LMO4: variants seen among roughly 807,000 people sequenced by gnomAD.
LMO4 encodes the protein LIM domain transcription factor LMO4.
LMO4 carries 3 observed loss-of-function variants against 18.5 expected under a neutral mutation model. The ratio of observed to expected loss-of-function variants is 0.16; its 90% confidence interval spans 0.07 to 0.42. The LOEUF (loss-of-function observed/expected upper bound fraction) is 0.42, where lower values mean the gene tolerates loss of function less well. Among genes scored for constraint, LMO4 ranks in the 10% least tolerant of loss-of-function variants. The pLI, the probability that LMO4 is intolerant of heterozygous loss-of-function variation, is 0.99. For missense variants in LMO4, 121 were observed against 219.9 expected (o/e 0.55, Z 2.84); for synonymous variants, 100 against 88.1 (o/e 1.14, Z -0.76).
chr1:87,337,582 C>T (rs1466528132), intron 2 of LMO4, among the ~76,000 whole-genome samples: 1 of 152,168 alleles, frequency 6.6e-6, no homozygotes, highest in Non-Finnish European at 1.5e-5. Flanking sequence ...CCTTCTACCC[C>T]CATTACCTGT....
intron 1 of LMO4, among the ~76,000 whole-genome samples, chr1:87,330,243 G>T (rs1190653810): frequency 6.6e-6 from 1 of 152,018 alleles, no homozygotes; most frequent in African/African-American, 2.4e-5. Flanking sequence ...AAAGATGGGG[G>T]CGGGGAAGAG....
chr1:87,335,134 C>G (rs958889790), intron 2 of LMO4, among the ~76,000 whole-genome samples: 4 of 152,252 alleles, frequency 2.6e-5, no homozygotes, highest in South Asian at 2.1e-4. Context: ...AACCTTGGGA[C>G]TGCCCCTTCC....
rs938173509 is a variant in LMO4 at position 87,329,166 on chromosome 1, C to T, written c.-82C>T. 2 of 152,474 alleles carry T rather than the reference C, an allele frequency of 1.3e-5. No homozygotes were observed. Among genetic ancestry groups the T allele is most frequent in the African/African-American group, 4.8e-5 (2 of 41,378 alleles). 9.4% of individuals were successfully genotyped at this position (152,474 alleles called of 1,614,324 possible). On this transcript the variant is annotated 5_prime_UTR_variant, in exon 1 of 5. Transcript: ENST00000370544. ...TCCAGCTCCGCCAGCCCAGGCGCCC[C>T]TTCCCTGGAAGCCGAGCGGCTTCGC...
intron 4 of LMO4, among the ~76,000 whole-genome samples, chr1:87,340,702 A>T (rs928159907): frequency 1.3e-5 from 2 of 152,218 alleles, no homozygotes; most frequent in African/African-American, 4.8e-5. Context: ...ATTTTACAAA[A>T]CATTCTGTAA....
At chr1:87,333,956 C>A (rs188953879) in intron 2 of LMO4, among the ~76,000 whole-genome samples, 39 of 146,232 alleles carry the variant, frequency 2.7e-4, no homozygotes, top group African/African-American at 4.5e-4. Flanking sequence ...AAAAAAAAAA[C>A]AAAAAACAAA....
intron 4 of LMO4, among the ~76,000 whole-genome samples, chr1:87,341,715 A>G (rs542240096): frequency 1.3e-5 from 2 of 152,196 alleles, no homozygotes; most frequent in South Asian, 4.1e-4. Context: ...CATTATGTGC[A>G]CTTTAATTTA....
In LMO4 at chr1:87,344,882, C is replaced by A. The variant is rs1650585707; in HGVS notation, c.*86C>A. 8 of 1,362,378 alleles carry A rather than the reference C, an allele frequency of 5.9e-6. No homozygotes were observed. The highest frequency in any genetic ancestry group is 7.3e-6 in the Non-Finnish European group (7 of 952,942). 84.4% of individuals were successfully genotyped at this position (1,362,378 alleles called of 1,614,324 possible). On this transcript the variant is annotated 3_prime_UTR_variant, in exon 5 of 5. Coordinates refer to ENST00000370544, the MANE Select transcript of LMO4 (RefSeq NM_006769.4). The stretch of plus-strand genomic sequence containing the variant: ...CCATGTGTCTTCAGTAGACAAGTCA[C>A]CTTTGTAGCTAGCACCAGTGCCAGC...
chr1:87,343,232 T>A (rs1203223626), intron 4 of LMO4, among the ~76,000 whole-genome samples: 1 of 152,214 alleles, frequency 6.6e-6, no homozygotes, highest in African/African-American at 2.4e-5. Context: ...GTAGTTGTTG[T>A]TCTGCATCAT....
At chr1:87,333,027 G>C (rs1490831810) in intron 2 of LMO4, among the ~76,000 whole-genome samples, 1 of 152,174 alleles carries the variant, frequency 6.6e-6, no homozygotes, top group Non-Finnish European at 1.5e-5. Context: ...TTAGAAAAAG[G>C]CTATAGAATT....
Position 87,345,239 on chromosome 1 carries a change from G to A in LMO4, c.*443G>A, listed in dbSNP as rs1393253523. 1 of 158,172 alleles carries A rather than the reference G, an allele frequency of 6.3e-6. No homozygotes were observed. The highest frequency in any genetic ancestry group is 1.4e-5 in the Non-Finnish European group (1 of 72,028). 9.8% of individuals were successfully genotyped at this position (158,172 alleles called of 1,614,324 possible). On this transcript the variant is annotated 3_prime_UTR_variant, in exon 5 of 5. Transcript: ENST00000370544. ...GTATATTTAAGTGTTGTAAGGAAACGTGTTTCAATCAAAACTGACCATGAG... is the reference window on the plus strand; with the variant it reads ...GTATATTTAAGTGTTGTAAGGAAACATGTTTCAATCAAAACTGACCATGAG...
intron 2 of LMO4, among the ~76,000 whole-genome samples, chr1:87,336,373 A>T (rs956823149): frequency 1.3e-5 from 2 of 152,222 alleles, no homozygotes; most frequent in African/African-American, 4.8e-5. Context: ...TAGAAAACAC[A>T]GCCAGGTAGC....
chr1:87,336,862 A>G (rs1224868882), intron 2 of LMO4, among the ~76,000 whole-genome samples: 2 of 152,136 alleles, frequency 1.3e-5, no homozygotes, highest in Non-Finnish European at 2.9e-5. Context: ...CCAGTCTGAG[A>G]CCGATAGCTA....
intron 1 of LMO4, among the ~76,000 whole-genome samples, chr1:87,330,658 A>G (rs1281023616): frequency 6.6e-6 from 1 of 152,116 alleles, no homozygotes; most frequent in East Asian, 1.9e-4. Flanking sequence ...GCAGCAGCCA[A>G]GTTGGGCCGG....
rs143412732 is a variant in LMO4, at chr1:87,348,582, C to G, written c.*3786C>G. 4.8e-6 allele frequency: 2 copies of G among 419,426 alleles called. No individual in the cohort carries two copies. The highest frequency in any genetic ancestry group is 4.0e-5 in the African/African-American group (2 of 49,468). The allele number at this position is 419,426 out of a possible 1,614,324, so 26.0% of individuals were successfully genotyped here. ...TAGCAGCAAAGTGTAGCACATTCGC[C>G]GATGCTGGGTACCTAGTTAAAGAGG... On this transcript the variant is annotated 3_prime_UTR_variant, in exon 5 of 5. Transcript: ENST00000370544.
Position 87,345,370 on chromosome 1 carries a change from G to A in LMO4, c.*574G>A, listed in dbSNP as rs1160514146. 4 of 149,244 alleles carry A rather than the reference G, an allele frequency of 2.7e-5. No homozygotes were observed. The East Asian group carries it at 5.9e-4, about 22-fold the overall frequency. The allele number at this position is 149,244 out of a possible 1,614,324, so 9.2% of individuals were successfully genotyped here. A position where few individuals can be genotyped will look rare whatever the true frequency, so the allele number is the denominator to read the frequency against. On this transcript the variant is annotated 3_prime_UTR_variant, in exon 5 of 5. Coordinates refer to ENST00000370544, the MANE Select transcript of LMO4 (RefSeq NM_006769.4). ...ATGTAAGTGTTTTTGTCCTAATGTT[G>A]CTACTCCCATGGCAAAGAAAAAAAA...
Position 87,348,490 on chromosome 1 carries a change from G to A in LMO4, c.*3694G>A. 1 of 311,782 alleles carries A rather than the reference G, an allele frequency of 3.2e-6. No homozygotes were observed. Among genetic ancestry groups the A allele is most frequent in the Non-Finnish European group, 6.5e-6 (1 of 152,978 alleles). 19.3% of individuals were successfully genotyped at this position (311,782 alleles called of 1,614,324 possible). ...AAAGTATTACTGAGCAGCCATTTTA[G>A]ATTGGCAGTGCTCTGAACGCATGTT... On this transcript the variant is annotated 3_prime_UTR_variant, in exon 5 of 5. Transcript: ENST00000370544.
intron 4 of LMO4, among the ~76,000 whole-genome samples, chr1:87,340,689 G>A (rs575885892): frequency 1.3e-5 from 2 of 152,312 alleles, no homozygotes; most frequent in East Asian, 1.9e-4. Context: ...TTTTAGAAGA[G>A]TAATTTTACA....
At chr1:87,339,457 C>T (rs2100564397) in intron 2 of LMO4, 79 bp from the exon 3 acceptor site, 1 of 961,566 alleles carries the variant, frequency 1.0e-6, no homozygotes, top group East Asian at 2.4e-5. Context: ...AAGGGATGCC[C>T]AGAGTCTGGG....
rs925908716 is a variant in LMO4, at chr1:87,348,747, A to G, written c.*3951A>G. ...CAAGAAGTGCTTTATGCTAGTAGAT[A>G]TGTGCATGTTTCCTAGAGGGAATGT... is the stretch of plus-strand genomic sequence containing the variant. On this transcript the variant is annotated 3_prime_UTR_variant, in exon 5 of 5. Coordinates refer to ENST00000370544, the MANE Select transcript of LMO4 (RefSeq NM_006769.4). 3.3e-5 allele frequency: 17 copies of G among 516,818 alleles called. No homozygotes were observed. Among genetic ancestry groups the G allele is most frequent in the Non-Finnish European group, 6.6e-5 (17 of 259,032 alleles). The allele number at this position is 516,818 out of a possible 1,614,324, so 32.0% of individuals were successfully genotyped here.
Sources: gnomAD v4.1 joint callset for allele counts (sites outside exome capture counted in the v4.1 genomes callset) on GRCh38, gnomAD v4.1.1 for gene constraint, MANE v1.5 for transcripts, NCBI Gene and HGNC (gene_info 2026-07-23, HGNC 2026-07-21) for gene names.